Variants in DCN observed in about 807,000 individuals in gnomAD.
DCN encodes decorin, also known as bone proteoglycan II.
A neutral mutation model predicts 36.5 loss-of-function variants in DCN; 17 were observed. The ratio of observed to expected loss-of-function variants is 0.47; its 90% CI spans 0.32 to 0.70. DCN has a LOEUF of 0.70. DCN is among the 30% of genes least tolerant of loss of function. The probability of loss-of-function intolerance (pLI) is 0.04; values close to 1 mark genes in which losing one functional copy is unlikely to be tolerated. For synonymous variants in DCN, 163 were observed against 161.4 expected (o/e 1.01, Z -0.07); for missense variants, 389 against 430.1 (o/e 0.90, Z 0.84).
At chr12:91,148,927 T>A (rs1176114625) in intron 7 of DCN, among the ~76,000 whole-genome samples, 1 of 152,096 alleles carries the variant, frequency 6.6e-6, no homozygotes, top group African/African-American at 2.4e-5. Flanking sequence ...TTTGGAAGTT[T>A]CTTGTTGTCA....
chr12:91,161,130 G>C (rs562556018), intron 3 of DCN, among the ~76,000 whole-genome samples: 1 of 152,156 alleles, frequency 6.6e-6, no homozygotes, highest in African/African-American at 2.4e-5. Context: ...ATGGTTGAAG[G>C]CTCTAATGAA....
In DCN at chr12:91,147,154, A is replaced by G. The variant is rs545031933; in HGVS notation, c.886-902T>C. Reference sequence around the variant, plus strand: ...GCCTACAAATCCTACATGATCTGACATCCTTCTACTCTGACCTCCTTTTCT... The same window carrying G: ...GCCTACAAATCCTACATGATCTGACGTCCTTCTACTCTGACCTCCTTTTCT... On this transcript the variant is annotated intron_variant, in intron 7 of 7. Transcript: ENST00000052754. Among the ~76,000 whole-genome samples the G allele has an allele frequency of 1.4e-4, 22 of 152,322 alleles. No homozygotes were observed. The East Asian group carries it at 4.1e-3, about 28-fold the overall frequency.
At chr12:91,171,028 T>C (rs73198634) in intron 2 of DCN, among the ~76,000 whole-genome samples, 3 of 152,164 alleles carry the variant, frequency 2.0e-5, no homozygotes, top group Non-Finnish European at 4.4e-5. Flanking sequence ...ATTTTATGGT[T>C]ATTCATAAAA....
chr12:91,164,693 A>T lies in DCN; in HGVS notation c.236T>A (p.Leu79His). The change falls in exon 3 of 8, where the codon CTT (leucine) becomes CAT (histidine). Residue 79 changes from leucine (L) to histidine (H), a missense_variant. Physicochemically the swap from Leu to His is moderately conservative, Grantham distance 99. Transcript: ENST00000052754. ...DLGLDKVPKD[L>H]PPDTTLLDLQ... The stretch of plus-strand genomic sequence containing the variant: ...GTCTAGCAGAGTTGTGTCAGGGGGA[A>T]GATCCTTTGGCACTTTGTCCAGACC... 1 of 1,610,380 alleles carries T rather than the reference A, an allele frequency of 6.2e-7. No homozygotes were observed. Among genetic ancestry groups the T allele is most frequent in the Non-Finnish European group, 8.5e-7 (1 of 1,176,594 alleles).
intron 2 of DCN, chr12:91,175,555 CA>C (rs964587883): frequency 1.1e-4 from 16 of 151,998 alleles, no homozygotes; most frequent in African/African-American, 3.6e-4. Context: ...AAAAAGTAGT[CA>C]AACATTTTAA....
In DCN at chr12:91,144,345, A is replaced by C. The variant is rs1043659667; in HGVS notation, c.*1713T>G. 1 of 152,220 alleles carries C rather than the reference A, an allele frequency of 6.6e-6. No homozygotes were observed. The highest frequency in any genetic ancestry group is 6.5e-5 in the Admixed American group (1 of 15,282). The allele number at this position is 152,220 out of a possible 1,614,324, so 9.4% of individuals were successfully genotyped here. A position where few individuals can be genotyped will look rare whatever the true frequency, so the allele number is the denominator to read the frequency against. ...CATTCAAGGTCCAGCTCTGAACAAC[A>C]ACAAAAAAAGTCCATTTATGGACAT... On this transcript the variant is annotated 3_prime_UTR_variant, in exon 8 of 8. Transcript: ENST00000052754.
At chr12:91,152,569 A>G (rs2121180028) in intron 6 of DCN, among the ~76,000 whole-genome samples, 1 of 152,250 alleles carries the variant, frequency 6.6e-6, no homozygotes, top group African/African-American at 2.4e-5. Flanking sequence ...CAAAAACAAC[A>G]ACAACAAAAG....
chr12:91,148,483 C>T (rs1881183205), intron 7 of DCN, among the ~76,000 whole-genome samples: 1 of 151,742 alleles, frequency 6.6e-6, no homozygotes, highest in African/African-American at 2.4e-5. Context: ...TTTGGGAGGC[C>T]GAGGCGGATG....
rs1337275324 is a variant in DCN, at chr12:91,145,626, C to T, written c.*432G>A. 1 of 199,918 alleles carries T rather than the reference C, an allele frequency of 5.0e-6. No individual in the cohort carries two copies. Among genetic ancestry groups the T allele is most frequent in the Non-Finnish European group, 1.1e-5 (1 of 94,348 alleles). The allele number at this position is 199,918 out of a possible 1,614,324, so 12.4% of individuals were successfully genotyped here. On this transcript the variant is annotated 3_prime_UTR_variant, in exon 8 of 8. Coordinates refer to ENST00000052754, the MANE Select transcript of DCN (RefSeq NM_001920.5). ...ATTCACACATTCAAATGAGGCTTTA[C>T]CAGTAATGATGGGGATTAATACAGA...
At chr12:91,173,438 C>G (rs920277273) in intron 2 of DCN, among the ~76,000 whole-genome samples, 1 of 152,124 alleles carries the variant, frequency 6.6e-6, no homozygotes, top group African/African-American at 2.4e-5. Flanking sequence ...CCCTCTCTTC[C>G]TCCTCTCCAT....
At chr12:91,151,955 G>A (rs111771880) in intron 6 of DCN, among the ~76,000 whole-genome samples, 163 bp from the exon 7 acceptor site, 167 of 152,296 alleles carry the variant, frequency 1.1e-3, no homozygotes, top group African/African-American at 3.7e-3. Context: ...CCTGGACAAA[G>A]TCCATTTATT....
At position 91,144,852 on chromosome 12, in the gene DCN, T is replaced by C. The variant is rs1236881973; in HGVS notation, c.*1206A>G. 6.6e-6 allele frequency: 1 copy of C among 152,208 alleles called. No individual in the cohort carries two copies. The highest frequency in any genetic ancestry group is 1.5e-5 in the Non-Finnish European group (1 of 68,030). 9.4% of individuals were successfully genotyped at this position (152,208 alleles called of 1,614,324 possible). ...TATTAGCAGAATTGATTACCTCTCA[T>C]GTGAGCCACTACTATAACTTGCACA... is the stretch of plus-strand genomic sequence containing the variant. On this transcript the variant is annotated 3_prime_UTR_variant, in exon 8 of 8. Coordinates refer to ENST00000052754, the MANE Select transcript of DCN (RefSeq NM_001920.5).
Position 91,142,407 on chromosome 12 carries a change from G to C in DCN, c.*3651C>G, listed in dbSNP as rs1019241903. ...CAATTCTTCCTTCGTATAAAGATAA[G>C]ATTATGATATCCTGCAGCTGCCTCT... On this transcript the variant is annotated 3_prime_UTR_variant, in exon 8 of 8. Transcript: ENST00000052754. 3 of 152,176 alleles carry C rather than the reference G, an allele frequency of 2.0e-5. No individual in the cohort carries two copies. The highest frequency in any genetic ancestry group is 4.8e-5 in the African/African-American group (2 of 41,442). The allele number at this position is 152,176 out of a possible 1,614,324, so 9.4% of individuals were successfully genotyped here.
chr12:91,156,679 A>T (rs777542666), intron 5 of DCN, among the ~76,000 whole-genome samples: 1 of 150,118 alleles, frequency 6.7e-6, no homozygotes, highest in Non-Finnish European at 1.5e-5. Flanking sequence ...TCAATTTCAG[A>T]GGTACTCCCA....
rs1186237778 is a variant in DCN at position 91,143,204 on chromosome 12, G to A, written c.*2854C>T. 5 of 152,226 alleles carry A rather than the reference G, an allele frequency of 3.3e-5. No homozygotes were observed. The highest frequency in any genetic ancestry group is 6.5e-5 in the Admixed American group (1 of 15,284). The allele number at this position is 152,226 out of a possible 1,614,324, so 9.4% of individuals were successfully genotyped here. Reference sequence around the variant, plus strand: ...GAAAGGTCCTCTCCTAAAGGCTTTGGAAGGAATCTGACCCTGCTGACACCT... The same window carrying A: ...GAAAGGTCCTCTCCTAAAGGCTTTGAAAGGAATCTGACCCTGCTGACACCT... On this transcript the variant is annotated 3_prime_UTR_variant, in exon 8 of 8. Transcript: ENST00000052754.
chr12:91,182,271 T>C (rs1469747599), intron 1 of DCN, among the ~76,000 whole-genome samples: 2 of 152,004 alleles, frequency 1.3e-5, no homozygotes, highest in East Asian at 3.9e-4. Flanking sequence ...AGGAGAAAAA[T>C]ACATTTTTTA....
intron 3 of DCN, among the ~76,000 whole-genome samples, chr12:91,162,048 C>A (rs1376170038): frequency 6.6e-6 from 1 of 151,614 alleles, no homozygotes; most frequent in African/African-American, 2.4e-5. Context: ...TCAAGCGATT[C>A]TCCTGCCTCA....
At chr12:91,155,459 A>G (rs1881704213) in intron 5 of DCN, among the ~76,000 whole-genome samples, 1 of 152,166 alleles carries the variant, frequency 6.6e-6, no homozygotes, top group African/African-American at 2.4e-5. Context: ...TAGATAGAAG[A>G]CATAGCAAAG....
At chr12:91,165,297 A>G (rs140624586) in intron 2 of DCN, among the ~76,000 whole-genome samples, 71 of 152,290 alleles carry the variant, frequency 4.7e-4, no homozygotes, top group Middle Eastern at 3.4e-3. Context: ...AACAATATCC[A>G]TTTCAGTTGA....
Sources: gnomAD v4.1 joint callset for allele counts (sites outside exome capture counted in the v4.1 genomes callset) on GRCh38, gnomAD v4.1.1 for gene constraint, MANE v1.5 for transcripts, NCBI Gene and HGNC (gene_info 2026-07-23, HGNC 2026-07-21) for gene names.